The following CYP3A43 variants were observed in gnomAD, a reference collection of about 807,000 sequenced individuals.
The protein encoded by CYP3A43 is cytochrome P450 family 3 subfamily A member 43.
CYP3A43 carries 45 observed loss-of-function variants against 58.0 expected under a neutral mutation model. The observed-to-expected ratio is 0.78, with a 90% confidence interval of 0.61 to 0.99. CYP3A43 has a LOEUF of 0.99. Ranked by LOEUF, CYP3A43 falls within the 50% of genes least tolerant of loss-of-function variation. CYP3A43 has a pLI of 0.00. For missense variants in CYP3A43, 593 were observed against 591.9 expected (o/e 1.00, Z -0.02); for synonymous variants, 191 against 201.4 (o/e 0.95, Z 0.44).
intron 1 of CYP3A43, among the ~76,000 whole-genome samples, chr7:99,829,865 T>C (rs57790116): frequency 0.017 from 2,551 of 152,290 alleles, 70 homozygotes; most frequent in African/African-American, 0.057. Context: ...TGGTTTATAC[T>C]GGTTTAATGT....
At chr7:99,849,804 T>C in intron 7 of CYP3A43, 110 bp downstream of exon 7, 1 of 1,112,952 alleles carries the variant, frequency 9.0e-7, no homozygotes, top group East Asian at 2.6e-5. Flanking sequence ...CTACTTAAAA[T>C]GTATAATTCA....
intron 2 of CYP3A43, among the ~76,000 whole-genome samples, chr7:99,837,372 G>A (rs1006262995): frequency 8.6e-5 from 13 of 151,242 alleles, no homozygotes; most frequent in African/African-American, 2.9e-4. Flanking sequence ...CAGTTCACTA[G>A]GCAGCTATTT....
At chr7:99,854,646 A>G (rs1377829426) in intron 7 of CYP3A43, among the ~76,000 whole-genome samples, 1 of 151,846 alleles carries the variant, frequency 6.6e-6, no homozygotes, top group African/African-American at 2.4e-5. Context: ...TCAGTGTGTT[A>G]TGGTATACAT....
chr7:99,863,626 C>T lies in CYP3A43; in HGVS notation c.1343C>T (p.Ala448Val). ...CGAAACTGCATTGGCATGAGGTTTGCTCTCACAAACATAAAACTTGCTGTC... is the reference window on the plus strand; with the variant it reads ...CGAAACTGCATTGGCATGAGGTTTGTTCTCACAAACATAAAACTTGCTGTC... ...GPRNCIGMRFALTNIKLAVIR... is the reference protein window; with the variant it reads ...GPRNCIGMRFVLTNIKLAVIR... Residue 448 changes from alanine (A) to valine (V), a missense_variant, in exon 12 of 13, where the codon GCT becomes GTT. By Grantham distance (64) the Ala-to-Val change is moderately conservative (BLOSUM62 0). Transcript: ENST00000354829. 2 of 1,613,916 alleles carry T rather than the reference C, an allele frequency of 1.2e-6. No individual in the cohort carries two copies. The highest frequency in any genetic ancestry group is 1.1e-5 in the South Asian group (1 of 91,022).
At chr7:99,855,402 C>T (rs1817932207) in intron 7 of CYP3A43, 189 bp from the exon 8 acceptor site, 1 of 622,536 alleles carries the variant, frequency 1.6e-6, no homozygotes, top group Non-Finnish European at 2.6e-6. Flanking sequence ...TGTGGATCTG[C>T]TCTTGCTCAG....
chr7:99,843,474 T>A (rs899667724), intron 3 of CYP3A43, among the ~76,000 whole-genome samples: 2 of 152,116 alleles, frequency 1.3e-5, no homozygotes, highest in African/African-American at 4.8e-5. Context: ...ATTTTATTTT[T>A]TTTTATTTTG....
In CYP3A43 at chr7:99,849,710, T is replaced by G; in HGVS notation, c.670+16T>G. On this transcript the variant is annotated intron_variant, in intron 7 of 12. Coordinates refer to ENST00000354829, the MANE Select transcript of CYP3A43 (RefSeq NM_057095.3). The stretch of plus-strand genomic sequence containing the variant: ...CTCTTAATATGTATGTGGACTTTTA[T>G]GTTATTTCTCTCTCTCTCTCTCTCT... 1.3e-6 allele frequency: 2 copies of G among 1,552,486 alleles called. No individual in the cohort carries two copies. Among genetic ancestry groups the G allele is most frequent in the Non-Finnish European group, 8.6e-7 (1 of 1,161,192 alleles).
chr7:99,865,854 C>A (rs1584246858), intron 12 of CYP3A43, 52 bp from the exon 13 acceptor site: 2 of 1,336,862 alleles, frequency 1.5e-6, no homozygotes, highest in Non-Finnish European at 2.0e-6. Context: ...TTGCTTCTAT[C>A]TTTTCTTCAT....
At chr7:99,853,071 A>T (rs958000399) in intron 7 of CYP3A43, among the ~76,000 whole-genome samples, 1 of 152,196 alleles carries the variant, frequency 6.6e-6, no homozygotes. Flanking sequence ...ATCCTGTGAT[A>T]TATTTTTCCA....
rs779189527 is a variant in CYP3A43 at position 99,828,211 on chromosome 7, G to T, written c.71+25G>T. ...TGTGAGTAACTATGCAGGCATGTTT[G>T]CTCTTAACTCTAAGACCTGAAGTGC... On this transcript the variant is annotated intron_variant, in intron 1 of 12. Coordinates refer to ENST00000354829, the MANE Select transcript of CYP3A43 (RefSeq NM_057095.3). 5.8e-6 allele frequency: 9 copies of T among 1,554,642 alleles called. No individual in the cohort carries two copies. The East Asian group carries it at 1.6e-4, about 27-fold the overall frequency.
chr7:99,864,363 T>C (rs932532116), intron 12 of CYP3A43, among the ~76,000 whole-genome samples: 9 of 148,868 alleles, frequency 6.0e-5, no homozygotes, highest in African/African-American at 2.4e-4. Context: ...CGCTGCTTCA[T>C]ACAAGCTGTG....
At chr7:99,862,584 T>C (rs1397084787) in intron 11 of CYP3A43, among the ~76,000 whole-genome samples, 2 of 152,232 alleles carry the variant, frequency 1.3e-5, no homozygotes, top group Non-Finnish European at 2.9e-5. Context: ...ATTCTGGGAA[T>C]TCAGAGCCAA....
chr7:99,832,338 G>C (rs1816878454), intron 1 of CYP3A43, among the ~76,000 whole-genome samples: 1 of 151,960 alleles, frequency 6.6e-6, no homozygotes, highest in Non-Finnish European at 1.5e-5. Flanking sequence ...TGTCAAGGAA[G>C]GGACCTGGTG....
At chr7:99,838,569 T>C (rs1817185725) in intron 2 of CYP3A43, 1 of 860,770 alleles carries the variant, frequency 1.2e-6, no homozygotes, top group African/African-American at 1.8e-5. Flanking sequence ...TTAGTGTTCA[T>C]AGACAGAAGT....
chr7:99,857,317 G>T (rs1818020797), intron 9 of CYP3A43, among the ~76,000 whole-genome samples: 1 of 152,160 alleles, frequency 6.6e-6, no homozygotes, highest in Non-Finnish European at 1.5e-5. Flanking sequence ...CTACTGACGG[G>T]TTTTATTTTT....
rs573866775 is a variant in CYP3A43 at position 99,859,581 on chromosome 7, G to A, written c.866-249G>A. ...GTTACCCAGCTGTGCAGCTGGTGGG[G>A]ATGGTATGATGAGGAGTGAATGGCC... On this transcript the variant is annotated intron_variant, in intron 9 of 12. Transcript: ENST00000354829. Among the ~76,000 whole-genome samples, 7 of 152,316 alleles carry A rather than the reference G, an allele frequency of 4.6e-5. No individual in the cohort carries two copies. The South Asian group carries it at 1.4e-3, about 32-fold the overall frequency.
At position 99,863,833 on chromosome 7, in the gene CYP3A43, AT is replaced by A. The variant is rs530222641; in HGVS notation, c.1416+135del. ...AAGAATCTAATTGGAGCTATCCATAATGCTTAAAGATGAATCACTTCTGGAG... is the reference window on the plus strand; with the variant it reads ...AAGAATCTAATTGGAGCTATCCATAAGCTTAAAGATGAATCACTTCTGGAG... On this transcript the variant is annotated intron_variant, in intron 12 of 12. Coordinates refer to ENST00000354829, the MANE Select transcript of CYP3A43 (RefSeq NM_057095.3). The A allele has an allele frequency of 3.2e-4, 215 of 665,182 alleles. 1 individual carries two copies. In the South Asian group the frequency reaches 6.2e-3, roughly 19 times the overall value. The allele number at this position is 665,182 out of a possible 1,614,324, so 41.2% of individuals were successfully genotyped here.
intron 7 of CYP3A43, among the ~76,000 whole-genome samples, chr7:99,854,312 T>C (rs2151616545): frequency 6.6e-6 from 1 of 151,324 alleles, no homozygotes; most frequent in South Asian, 2.1e-4. Flanking sequence ...GTTTAAGCAA[T>C]TCTCCTTTCT....
intron 3 of CYP3A43, among the ~76,000 whole-genome samples, chr7:99,841,789 G>T (rs1007085288): frequency 1.3e-5 from 2 of 152,128 alleles, no homozygotes; most frequent in Non-Finnish European, 2.9e-5. Flanking sequence ...CTGCCTCCCA[G>T]TGATCCTGCC....
Sources: gnomAD v4.1 joint callset for allele counts (sites outside exome capture counted in the v4.1 genomes callset) on GRCh38, gnomAD v4.1.1 for gene constraint, MANE v1.5 for transcripts, NCBI Gene and HGNC (gene_info 2026-07-23, HGNC 2026-07-21) for gene names.